NSL1: variants seen among roughly 807,000 people sequenced by gnomAD.
NSL1 encodes the protein kinetochore-associated protein NSL1 homolog.
In NSL1, 11 loss-of-function variants were observed where a neutral mutation model predicts 25.4. That is an observed-to-expected ratio of 0.43 (90% CI 0.27 to 0.72). NSL1 has a LOEUF of 0.72. Ranked by LOEUF, NSL1 falls within the 30% of genes least tolerant of loss-of-function variation. NSL1 has a pLI of 0.19. For synonymous variants in NSL1, 118 were observed against 120.6 expected (o/e 0.98, Z 0.14); for missense variants, 330 against 342.7 (o/e 0.96, Z 0.29).
rs1042455820 is a variant in NSL1 at position 212,727,592 on chromosome 1, T to C, written c.*10816A>G. The C allele has an allele frequency of 1.1e-5, 11 of 985,278 alleles. No homozygotes were observed. The highest frequency in any genetic ancestry group is 1.3e-5 in the Non-Finnish European group (11 of 829,914). The allele number at this position is 985,278 out of a possible 1,614,324, so 61.0% of individuals were successfully genotyped here. A position where few individuals can be genotyped will look rare whatever the true frequency, so the allele number is the denominator to read the frequency against. Reference sequence around the variant, plus strand: ...TCTCAAAAACTTTATGACTCAGTTGTCTGGAAGTTGTTTTGTAACCTTCTA... The same window carrying C: ...TCTCAAAAACTTTATGACTCAGTTGCCTGGAAGTTGTTTTGTAACCTTCTA... On this transcript the variant is annotated 3_prime_UTR_variant, in exon 6 of 6. Coordinates refer to ENST00000366977, the MANE Select transcript of NSL1 (RefSeq NM_015471.4).
chr1:212,729,624 G>A lies in NSL1; in HGVS notation c.*8784C>T. 1.0e-6 allele frequency: 1 copy of A among 985,372 alleles called. No homozygotes were observed. Among genetic ancestry groups the A allele is most frequent in the Non-Finnish European group, 1.2e-6 (1 of 829,918 alleles). 61.0% of individuals were successfully genotyped at this position (985,372 alleles called of 1,614,324 possible). A position where few individuals can be genotyped will look rare whatever the true frequency, so the allele number is the denominator to read the frequency against. ...GAGGCAGGCACACAGGGCATAGACA[G>A]AATATGACAAGTCAGAGAGAATTCG... On this transcript the variant is annotated 3_prime_UTR_variant, in exon 6 of 6. Coordinates refer to ENST00000366977, the MANE Select transcript of NSL1 (RefSeq NM_015471.4).
At chr1:212,739,711 G>T in intron 4 of NSL1, 110 bp from the exon 5 acceptor site, 1 of 948,412 alleles carries the variant, frequency 1.1e-6, no homozygotes, top group Non-Finnish European at 1.6e-6. Flanking sequence ...ACAAAAATCT[G>T]CTAGGACGAT....
At chr1:212,785,046 AG>A (rs1660886469) in intron 2 of NSL1, among the ~76,000 whole-genome samples, 2 of 152,200 alleles carry the variant, frequency 1.3e-5, no homozygotes, top group South Asian at 4.1e-4. Context: ...AATAAAGTAA[AG>A]GAGAAATGGA....
rs543447511 is a variant in NSL1, at chr1:212,727,049, G to T, written c.*11359C>A. 1.3e-6 allele frequency: 2 copies of T among 1,496,130 alleles called. No individual in the cohort carries two copies. Among genetic ancestry groups the T allele is most frequent in the East Asian group, 5.0e-5 (2 of 39,642 alleles). The allele number at this position is 1,496,130 out of a possible 1,614,324, so 92.7% of individuals were successfully genotyped here. The stretch of plus-strand genomic sequence containing the variant: ...CCTTGGAGATGACTGCCGAGAGAGG[G>T]AGGGCGGGCTCTGGGTCACCCAGCT... On this transcript the variant is annotated 3_prime_UTR_variant, in exon 6 of 6. Coordinates refer to ENST00000366977, the MANE Select transcript of NSL1 (RefSeq NM_015471.4).
At chr1:212,785,731 G>C (rs985673891) in intron 2 of NSL1, among the ~76,000 whole-genome samples, 1 of 152,128 alleles carries the variant, frequency 6.6e-6, no homozygotes, top group Non-Finnish European at 1.5e-5. Flanking sequence ...ATACTAAGTA[G>C]TTACAAATAC....
intron 4 of NSL1, among the ~76,000 whole-genome samples, chr1:212,756,141 A>G (rs1659296236): frequency 6.6e-6 from 1 of 152,108 alleles, no homozygotes; most frequent in African/African-American, 2.4e-5. Context: ...TTTTTTTGAG[A>G]CAGGTTCTCA....
At chr1:212,784,132 C>T (rs1660838830) in intron 3 of NSL1, 3 of 255,180 alleles carry the variant, frequency 1.2e-5, no homozygotes, top group Non-Finnish European at 7.4e-6. Context: ...CTCACTATAA[C>T]TTTCATTTTT....
At position 212,731,188 on chromosome 1, in the gene NSL1, A is replaced by G; in HGVS notation, c.*7220T>C. The G allele has an allele frequency of 1.9e-6, 1 of 539,178 alleles. No homozygotes were observed. Among genetic ancestry groups the G allele is most frequent in the Non-Finnish European group, 2.1e-6 (1 of 470,426 alleles). 33.4% of individuals were successfully genotyped at this position (539,178 alleles called of 1,614,324 possible). A position where few individuals can be genotyped will look rare whatever the true frequency, so the allele number is the denominator to read the frequency against. On this transcript the variant is annotated 3_prime_UTR_variant, in exon 6 of 6. Transcript: ENST00000366977. ...GCAAAACAAATGGTCAGAGGGGAGAAAAAAAAAAAAACCTGAAGAAACCAA... is the reference window on the plus strand; with the variant it reads ...GCAAAACAAATGGTCAGAGGGGAGAGAAAAAAAAAAACCTGAAGAAACCAA...
intron 4 of NSL1, among the ~76,000 whole-genome samples, chr1:212,770,370 G>A (rs1660045799): frequency 6.6e-6 from 1 of 152,038 alleles, no homozygotes; most frequent in Admixed American, 6.6e-5. Context: ...ATGATCATCA[G>A]AGACTATTAA....
At chr1:212,745,188 A>AC (rs1266809327) in intron 4 of NSL1, among the ~76,000 whole-genome samples, 4 of 21,764 alleles carry the variant, frequency 1.8e-4, no homozygotes, top group Non-Finnish European at 3.2e-4. Context: ...ATATATATAT[A>AC]TATATATATA....
chr1:212,774,713 C>T (rs759397988), intron 4 of NSL1, among the ~76,000 whole-genome samples: 13 of 152,152 alleles, frequency 8.5e-5, no homozygotes, highest in Non-Finnish European at 1.6e-4. Flanking sequence ...AACTGGAACC[C>T]CTACACACTG....
rs1418380522 is a variant in NSL1 at position 212,791,758 on chromosome 1, C to T, written c.6G>A (p.Ala2=). 2 of 1,604,140 alleles carry T rather than the reference C, an allele frequency of 1.2e-6. No individual in the cohort carries two copies. Among genetic ancestry groups the T allele is most frequent in the African/African-American group, 2.7e-5 (2 of 74,562 alleles). ...CAAGGACCACCAACTCAGGAGACCC[C>T]GCCATTTTTCGTCGGAACTGTGGGC... is the stretch of plus-strand genomic sequence containing the variant. M[A]GSPELVVLDP... Residue 2 remains alanine (A), a synonymous_variant, in exon 1 of 6, where the codon GCG becomes GCA. Coordinates refer to ENST00000366977, the MANE Select transcript of NSL1 (RefSeq NM_015471.4).
chr1:212,773,555 A>G (rs1250042693), intron 4 of NSL1, among the ~76,000 whole-genome samples: 1 of 152,184 alleles, frequency 6.6e-6, no homozygotes, highest in Non-Finnish European at 1.5e-5. Context: ...TGAGGATGTG[A>G]AGAAAAGGGA....
At chr1:212,767,979 T>C (rs1035471374) in intron 4 of NSL1, among the ~76,000 whole-genome samples, 19 of 152,184 alleles carry the variant, frequency 1.2e-4, no homozygotes, top group African/African-American at 4.3e-4. Context: ...GGTGGGAATG[T>C]AAATTAGTAC....
At chr1:212,749,003 T>C (rs116536675) in intron 4 of NSL1, among the ~76,000 whole-genome samples, 3,592 of 152,252 alleles carry the variant, frequency 0.024, 88 homozygotes, top group African/African-American at 0.067. Flanking sequence ...AGGCACAGTA[T>C]TAAAAAAATA....
At chr1:212,754,785 A>AAAAAAAAAAAAAAAAG (rs1553252344) in intron 4 of NSL1, among the ~76,000 whole-genome samples, 28 of 149,602 alleles carry the variant, frequency 1.9e-4, no homozygotes, top group Admixed American at 4.6e-4. Flanking sequence ...AAAAAAAAAA[A>AAAAAAAAAAAAAAAAG]CCAACTCAAA....
intron 4 of NSL1, among the ~76,000 whole-genome samples, chr1:212,748,696 A>G (rs1265722052): frequency 1.3e-5 from 2 of 152,242 alleles, no homozygotes; most frequent in African/African-American, 2.4e-5. Context: ...CCTGATAGAA[A>G]TGGTATAATG....
rs1659505558 is a variant in NSL1, at chr1:212,760,329, G to C, written c.500-20728C>G. On this transcript the variant is annotated intron_variant, in intron 4 of 5. Transcript: ENST00000366977. The surrounding 1 kb of genome is among the most constrained non-coding windows in gnomAD (Gnocchi z 4.3). ...ACCACTCTACCACACCAGTGTCTGA[G>C]AGCGCCATCTAGGGGCCCAGGAATA... Among the ~76,000 whole-genome samples the C allele has an allele frequency of 6.6e-6, 1 of 152,140 alleles. No homozygotes were observed. Among genetic ancestry groups the C allele is most frequent in the Non-Finnish European group, 1.5e-5 (1 of 68,022 alleles).
intron 4 of NSL1, among the ~76,000 whole-genome samples, chr1:212,748,101 T>G (rs1387812736): frequency 6.6e-6 from 1 of 152,234 alleles, no homozygotes; most frequent in Non-Finnish European, 1.5e-5. Context: ...AGATAAATAC[T>G]ATAATTCCTT....
Sources: allele counts gnomAD v4.1 joint callset (sites outside exome capture counted in the v4.1 genomes callset), GRCh38; gene constraint gnomAD v4.1.1; non-coding constraint Gnocchi (gnomAD v3.1); transcripts MANE v1.5; gene names NCBI Gene and HGNC (gene_info 2026-07-23, HGNC 2026-07-21).